The following WDR19 variants were observed in gnomAD, a reference collection of about 807,000 sequenced individuals.
WDR19 encodes WD repeat domain 19.
In WDR19, 121 loss-of-function variants were observed where a neutral mutation model predicts 180.0. The ratio of observed to expected loss-of-function variants is 0.67; its 90% CI spans 0.58 to 0.78. The LOEUF is 0.78. Ranked by LOEUF, WDR19 falls within the 30% of genes least tolerant of loss-of-function variation. The probability of loss-of-function intolerance (pLI) is 0.00; values close to 1 mark genes in which losing one functional copy is unlikely to be tolerated. For synonymous variants in WDR19, 497 were observed against 540.7 expected (o/e 0.92, Z 1.12); for missense variants, 1,450 against 1,640.7 (o/e 0.88, Z 2.01).
At chr4:39,185,877 C>G in intron 2 of WDR19, 60 bp downstream of exon 2, 1 of 1,331,228 alleles carries the variant, frequency 7.5e-7, no homozygotes, top group Non-Finnish European at 1.0e-6. Context: ...ACACCATCTA[C>G]TCAGTAGAAG....
intron 17 of WDR19, among the ~76,000 whole-genome samples, chr4:39,231,264 T>C (rs987637950): frequency 1.0e-4 from 14 of 140,148 alleles, no homozygotes; most frequent in African/African-American, 3.8e-4. Context: ...TTAGGTGAGA[T>C]CACGCCATTG....
chr4:39,259,404 G>T (rs6810752), intron 28 of WDR19, among the ~76,000 whole-genome samples: 148,658 of 152,316 alleles, frequency 0.98, 72,639 homozygotes, highest in Middle Eastern at 1. Flanking sequence ...GTACCAATAC[G>T]CCATTGTCTT....
rs1163027841 is a variant in WDR19, at chr4:39,254,002, C to T, written c.2973C>T (p.Asn991=). 3 of 1,612,112 alleles carry T rather than the reference C, an allele frequency of 1.9e-6. No homozygotes were observed. Among genetic ancestry groups the T allele is most frequent in the South Asian group, 2.2e-5 (2 of 90,924 alleles). The change falls in exon 26 of 37, where the codon AAC becomes AAT. Residue 991 remains asparagine, a synonymous_variant. Transcript: ENST00000399820. ...CTTTCACACTGGCTCAGCAACACAA[C>T]AAAATGGAAATCTATGCAGATATTA... ...NEAFTLAQQH[N]KMEIYADIIG...
intron 17 of WDR19, among the ~76,000 whole-genome samples, chr4:39,231,315 CAAAAAAAAAAA>C (rs56002679): frequency 4.6e-5 from 4 of 87,282 alleles, no homozygotes; most frequent in Non-Finnish European, 7.2e-5. Flanking sequence ...ACTCCGTCTT[CAAAAAAAAAAA>C]AAAAAAAAAA....
chr4:39,194,579 G>A lies in WDR19; in HGVS notation c.326G>A (p.Gly109Glu), dbSNP rs766029437. The change falls in exon 5 of 37, where the codon GGA becomes GAA. Residue 109 changes from glycine (G) to glutamate (E), a missense_variant. Gly to Glu is a moderately conservative substitution (Grantham distance 98). Transcript: ENST00000399820. Reference sequence around the variant, plus strand: ...TCTTTCCTTCTTTGGTCAAAAGTTGGAAGTTTCCTGGCTGTTGGAACTGTT... The same window carrying A: ...TCTTTCCTTCTTTGGTCAAAAGTTGAAAGTTTCCTGGCTGTTGGAACTGTT... ...QMSFLLWSKV[G>E]SFLAVGTVKG... 6.2e-6 allele frequency: 10 copies of A among 1,612,868 alleles called. No individual in the cohort carries two copies. Among genetic ancestry groups the A allele is most frequent in the Non-Finnish European group, 8.5e-6 (10 of 1,179,462 alleles).
Position 39,275,040 on chromosome 4 carries a change from A to G in WDR19, c.3716+82A>G, listed in dbSNP as rs375193966. ...AATGTAGCTGCCAGTGTGCAAGCTCAATAAGAAAACGGTGGGGGGCCAGGT... is the reference window on the plus strand; with the variant it reads ...AATGTAGCTGCCAGTGTGCAAGCTCGATAAGAAAACGGTGGGGGGCCAGGT... On this transcript the variant is annotated intron_variant, in intron 33 of 36. Coordinates refer to ENST00000399820, the MANE Select transcript of WDR19 (RefSeq NM_025132.4). 340 of 1,542,414 alleles carry G rather than the reference A, an allele frequency of 2.2e-4. 2 individuals are homozygous for G. In the African/African-American group the frequency reaches 3.7e-3, roughly 17 times the overall value.
At chr4:39,202,978 C>T (rs1727531504) in intron 6 of WDR19, among the ~76,000 whole-genome samples, 1 of 152,068 alleles carries the variant, frequency 6.6e-6, no homozygotes, top group Non-Finnish European at 1.5e-5. Context: ...GAGCCTGGAT[C>T]CTTCCATATT....
intron 27 of WDR19, among the ~76,000 whole-genome samples, chr4:39,257,118 A>G (rs1208281306): frequency 2.0e-5 from 3 of 152,196 alleles, no homozygotes; most frequent in Admixed American, 2.0e-4. Context: ...GGGCCGTGCC[A>G]TACCATTCCT....
At chr4:39,194,467 C>A in intron 4 of WDR19, 77 bp from the exon 5 acceptor site, 1 of 854,336 alleles carries the variant, frequency 1.2e-6, no homozygotes. Context: ...TAAAATTATC[C>A]AAGGAGTACT....
Position 39,215,845 on chromosome 4 carries a change from G to A in WDR19, c.966G>A (p.Leu322=), listed in dbSNP as rs1393608523. ...TTATTTTGTCGATTATTTCAGGATT[G>A]GGTACCTTGTCCTGGACTGATGATG... ...ILNLDEENKG[L]GTLSWTDDGQ... is the part of the protein sequence containing the mutation. The change falls in exon 11 of 37, where the codon TTG becomes TTA. Residue 322 remains leucine, a synonymous_variant. Transcript: ENST00000399820. 3 of 1,604,932 alleles carry A rather than the reference G, an allele frequency of 1.9e-6. No individual in the cohort carries two copies. Among genetic ancestry groups the A allele is most frequent in the Non-Finnish European group, 2.6e-6 (3 of 1,176,434 alleles).
chr4:39,183,795 T>C (rs1323302257), intron 1 of WDR19, among the ~76,000 whole-genome samples: 1 of 152,138 alleles, frequency 6.6e-6, no homozygotes, highest in Non-Finnish European at 1.5e-5. Flanking sequence ...AAAATTTAAG[T>C]CTTGGTTTTT....
intron 31 of WDR19, among the ~76,000 whole-genome samples, chr4:39,270,921 A>C (rs1457233703): frequency 3.5e-4 from 48 of 137,770 alleles, no homozygotes; most frequent in Non-Finnish European, 6.9e-4. Flanking sequence ...TTGAGATGGA[A>C]TCTCACTCTG....
intron 19 of WDR19, among the ~76,000 whole-genome samples, chr4:39,233,371 T>C (rs1731076056): frequency 6.6e-6 from 1 of 152,192 alleles, no homozygotes; most frequent in African/African-American, 2.4e-5. Flanking sequence ...CAGCTCTGTG[T>C]AAGCTTGGAC....
At chr4:39,231,735 G>C in intron 17 of WDR19, 62 bp from the exon 18 acceptor site, 1 of 1,447,110 alleles carries the variant, frequency 6.9e-7, no homozygotes, top group Non-Finnish European at 9.2e-7. Flanking sequence ...CATGTAGTCT[G>C]AAAATTGCCT....
intron 30 of WDR19, 58 bp from the exon 31 acceptor site, chr4:39,269,918 T>C: frequency 6.3e-7 from 1 of 1,590,172 alleles, no homozygotes; most frequent in South Asian, 1.1e-5. Flanking sequence ...TGGGGGTCCA[T>C]AGAATGTCCT....
Position 39,185,747 on chromosome 4 carries a change from A to G in WDR19, c.28A>G (p.Lys10Glu). The G allele has an allele frequency of 6.4e-7, 1 of 1,558,200 alleles. No individual in the cohort carries two copies. Among genetic ancestry groups the G allele is most frequent in the Non-Finnish European group, 8.7e-7 (1 of 1,150,116 alleles). Residue 10 changes from lysine to glutamate, a missense_variant, in exon 2 of 37, where the codon AAG (lysine) becomes GAG (glutamate). Lys to Glu is a moderately conservative substitution (Grantham distance 56). Coordinates refer to ENST00000399820, the MANE Select transcript of WDR19 (RefSeq NM_025132.4). MKRIFSLLE[K>E]TWLGAPIQFA... Reference sequence around the variant, plus strand: ...TTAGCGTATTTTCTCACTGCTAGAAAAGACTTGGCTTGGCGCACCAATACA... The same window carrying G: ...TTAGCGTATTTTCTCACTGCTAGAAGAGACTTGGCTTGGCGCACCAATACA...
At position 39,240,273 on chromosome 4, in the gene WDR19, TC is replaced by T. The variant is rs757992911; in HGVS notation, c.2364-3del. ...ATTAAAATTCACTCTTATTTTTTTT[TC>T]AGGGGTGATTATGTAAATGCTTTGG... On this transcript the variant is annotated splice_region_variant and splice_polypyrimidine_tract_variant and intron_variant, in intron 20 of 36. Transcript: ENST00000399820. The T allele has an allele frequency of 1.2e-4, 171 of 1,374,304 alleles. 2 individuals carry two copies. The African/African-American group carries it at 2.3e-3, about 19-fold the overall frequency. The allele number at this position is 1,374,304 out of a possible 1,614,324, so 85.1% of individuals were successfully genotyped here.
chr4:39,261,056 C>A (rs138236252), intron 28 of WDR19, among the ~76,000 whole-genome samples: 1 of 151,688 alleles, frequency 6.6e-6, no homozygotes. Context: ...TGCAGTGGCA[C>A]GATCTTGGCT....
intron 4 of WDR19, 106 bp from the exon 5 acceptor site, chr4:39,194,438 T>C: frequency 3.1e-6 from 2 of 636,634 alleles, no homozygotes; most frequent in Non-Finnish European, 5.3e-6. Flanking sequence ...ATTTTGTACT[T>C]TGGCTTCTAA....
Sources: gnomAD v4.1 joint callset for allele counts (sites outside exome capture counted in the v4.1 genomes callset) on GRCh38, gnomAD v4.1.1 for gene constraint, MANE v1.5 for transcripts, NCBI Gene and HGNC (gene_info 2026-07-23, HGNC 2026-07-21) for gene names.